Variants in BDNF observed in about 807,000 individuals in gnomAD.
The protein encoded by BDNF is brain derived neurotrophic factor.
BDNF carries 1 observed loss-of-function variant against 19.5 expected under a neutral mutation model. The ratio of observed to expected loss-of-function variants is 0.05; its 90% CI spans 0.02 to 0.24. The LOEUF (loss-of-function observed/expected upper bound fraction) is 0.24. BDNF is among the 10% of genes least tolerant of loss of function. BDNF has a pLI of 1.00. For missense variants in BDNF, 195 were observed against 317.6 expected, an observed-to-expected ratio of 0.61 and a Z score of 2.93; for synonymous variants, 100 against 121.6, an observed-to-expected ratio of 0.82 and a Z score of 1.17.
At chr11:27,661,413 A>G (rs1014254879) in intron 1 of BDNF, among the ~76,000 whole-genome samples, 2 of 152,216 alleles carry the variant, frequency 1.3e-5, no homozygotes, top group African/African-American at 4.8e-5. Flanking sequence ...ATAGCCTTCC[A>G]ATCCAGTCAG....
chr11:27,667,751 C>A (rs1219612642), intron 1 of BDNF, among the ~76,000 whole-genome samples: 1 of 152,154 alleles, frequency 6.6e-6, no homozygotes, highest in Non-Finnish European at 1.5e-5. Flanking sequence ...AATACAGGAG[C>A]ACCAGATTCA....
chr11:27,705,382 G>A (rs1860069672), upstream of BDNF, among the ~76,000 whole-genome samples: 1 of 152,108 alleles, frequency 6.6e-6, no homozygotes, highest in Admixed American at 6.5e-5. Context: ...GCTTATTTTT[G>A]AGACTCACCT....
chr11:27,717,860 A>AGTGTGTGTGTGTGTGTGT, intron 1 of BDNF, among the ~76,000 whole-genome samples: 1 of 147,568 alleles, frequency 6.8e-6, no homozygotes, highest in South Asian at 2.2e-4. Flanking sequence ...TTACAAGTTG[A>AGTGTGTGTGTGTGTGTGT]GTGTGTGTGT....
chr11:27,656,803 T>G lies in BDNF; in HGVS notation c.*1018A>C, dbSNP rs779736202. The G allele has an allele frequency of 2.6e-5, 26 of 985,310 alleles. No individual in the cohort carries two copies. The highest frequency in any genetic ancestry group is 2.9e-5 in the Non-Finnish European group (24 of 829,940). The allele number at this position is 985,310 out of a possible 1,614,324, so 61.0% of individuals were successfully genotyped here. On this transcript the variant is annotated 3_prime_UTR_variant, in exon 2 of 2. Transcript: ENST00000356660. The stretch of plus-strand genomic sequence containing the variant: ...CATTTTGGGGTTATTTTTTGTTGTT[T>G]TCTGTTCTAAAAAAAAATCACTGTT...
intron 1 of BDNF, among the ~76,000 whole-genome samples, chr11:27,685,182 A>G (rs1390444979): frequency 1.3e-5 from 2 of 152,064 alleles, no homozygotes; most frequent in Non-Finnish European, 2.9e-5. Flanking sequence ...GTTTATTTGC[A>G]TAGAGGTGTT....
At position 27,658,030 on chromosome 11, in the gene BDNF, G is replaced by T. The variant is rs1852797020; in HGVS notation, c.535C>A (p.Gln179Lys). 1 of 1,613,944 alleles carries T rather than the reference G, an allele frequency of 6.2e-7. No individual in the cohort carries two copies. The highest frequency in any genetic ancestry group is 8.5e-7 in the Non-Finnish European group (1 of 1,180,030). Residue 179 changes from glutamine (Q) to lysine (K), a missense_variant, in exon 2 of 2, where the codon CAA (glutamine) becomes AAA (lysine). Coordinates refer to ENST00000356660, the MANE Select transcript of BDNF (RefSeq NM_001709.5). This position sits in a 1 kb window ranked among gnomAD's most constrained non-coding sequence, Gnocchi z 5.7. ...KVPVSKGQLK[Q>K]YFYETKCNPM... The stretch of plus-strand genomic sequence containing the variant: ...TTGCACTTGGTCTCGTAGAAGTATT[G>T]CTTCAGTTGGCCTTTTGATACAGGG...
At chr11:27,679,378 T>C (rs1005212231) in intron 1 of BDNF, among the ~76,000 whole-genome samples, 4 of 152,222 alleles carry the variant, frequency 2.6e-5, no homozygotes, top group Non-Finnish European at 5.9e-5. Flanking sequence ...GAATTAAAGA[T>C]ATGTTACATT....
rs559067547 is a variant in BDNF, at chr11:27,656,354, C to G, written c.*1467G>C. The stretch of plus-strand genomic sequence containing the variant: ...CAGAGGTGGGATGGTGGGCATAAGT[C>G]GGCTTGAGTGTGGTCCTCCAGTCGA... On this transcript the variant is annotated 3_prime_UTR_variant, in exon 2 of 2. Coordinates refer to ENST00000356660, the MANE Select transcript of BDNF (RefSeq NM_001709.5). 2.2e-5 allele frequency: 4 copies of G among 185,930 alleles called. No homozygotes were observed. The highest frequency in any genetic ancestry group is 2.0e-4 in the Admixed American group (3 of 15,318). 11.5% of individuals were successfully genotyped at this position (185,930 alleles called of 1,614,324 possible).
chr11:27,697,265 C>T (rs1161042747), intron 1 of BDNF, among the ~76,000 whole-genome samples: 1 of 152,008 alleles, frequency 6.6e-6, no homozygotes, highest in Non-Finnish European at 1.5e-5. Flanking sequence ...ATCAGGTGGG[C>T]GTGCCCAGCT....
intron 1 of BDNF, among the ~76,000 whole-genome samples, chr11:27,713,955 T>G (rs1564996964): frequency 6.6e-6 from 1 of 152,348 alleles, no homozygotes; most frequent in East Asian, 1.9e-4. Flanking sequence ...ATTTTTAAAT[T>G]AATACTTTGT....
intron 1 of BDNF, among the ~76,000 whole-genome samples, chr11:27,715,258 C>G (rs2134110560): frequency 6.6e-6 from 1 of 152,318 alleles, no homozygotes; most frequent in South Asian, 2.1e-4. Flanking sequence ...TACCCAGTGT[C>G]CAAGACTGGG....
intron 1 of BDNF, chr11:27,721,375 A>AT (rs767022846): frequency 6.2e-7 from 1 of 1,612,778 alleles, no homozygotes; most frequent in Non-Finnish European, 8.5e-7. Flanking sequence ...ACATGTCAAG[A>AT]TTTTTCAATT....
In BDNF at chr11:27,707,236, A is replaced by G. The variant is rs1860145484; in HGVS notation, c.3+14176T>C. Among the ~76,000 whole-genome samples the G allele has an allele frequency of 2.0e-5, 3 of 152,216 alleles. No homozygotes were observed. In the South Asian group the frequency reaches 6.2e-4, roughly 31 times the overall value. ...AATTCAGTAAAAGAGAATTATGCTA[A>G]CCTACATGATACCTAGAATCAAGTC... is the stretch of plus-strand genomic sequence containing the variant. On this transcript the variant is annotated intron_variant, in intron 1 of 1. Coordinates refer to the BDNF transcript ENST00000314915.
intron 1 of BDNF, among the ~76,000 whole-genome samples, chr11:27,662,161 C>T (rs547134592): frequency 1.3e-5 from 2 of 152,132 alleles, no homozygotes; most frequent in East Asian, 1.9e-4. Context: ...CCACCATGCC[C>T]GGCTAATTTT....
In BDNF at chr11:27,718,360, C is replaced by CCA. The variant is rs557677510; in HGVS notation, c.3+3051_3+3052insTG. 1.3e-3 allele frequency among the ~76,000 whole-genome samples: 189 copies of CCA among 144,214 alleles called. 4 individuals are homozygous for CCA. Among genetic ancestry groups the CCA allele is most frequent in the Admixed American group, 3.3e-3 (48 of 14,494 alleles). 94.6% of individuals were successfully genotyped at this position (144,214 alleles called of 152,430 possible). A position where few individuals can be genotyped will look rare whatever the true frequency, so the allele number is the denominator to read the frequency against. On this transcript the variant is annotated intron_variant, in intron 1 of 1. Coordinates refer to the BDNF transcript ENST00000314915. ...ATTCCCCGTTCCGCACACCACCCCC[C>CCA]CCCGCCCCTCCCGGGATTTTGCAAT...
intron 1 of BDNF, among the ~76,000 whole-genome samples, chr11:27,688,059 A>G (rs1404095961): frequency 2.0e-5 from 3 of 152,322 alleles, no homozygotes; most frequent in African/African-American, 7.2e-5. Context: ...AGTTTTATCT[A>G]TAAGCCCCTG....
At chr11:27,697,162 C>G (rs36154247) in intron 1 of BDNF, among the ~76,000 whole-genome samples, 55,554 of 123,380 alleles carry the variant, frequency 0.45, 11,440 homozygotes, top group Middle Eastern at 0.5. Context: ...CACACACACA[C>G]ACAGAGAGAG....
intron 1 of BDNF, among the ~76,000 whole-genome samples, chr11:27,661,692 T>A (rs751559906): frequency 6.6e-5 from 10 of 152,284 alleles, no homozygotes; most frequent in Non-Finnish European, 1.0e-4. Flanking sequence ...GATACTCAAC[T>A]CTCTCCAACA....
At chr11:27,686,373 A>C (rs1325268920) in intron 1 of BDNF, among the ~76,000 whole-genome samples, 3 of 152,202 alleles carry the variant, frequency 2.0e-5, no homozygotes, top group Non-Finnish European at 2.9e-5. Context: ...GTGGTCTTTT[A>C]ATTGGGGCAT....
Sources: gnomAD v4.1 joint callset for allele counts (sites outside exome capture counted in the v4.1 genomes callset) on GRCh38, gnomAD v4.1.1 for gene constraint, Gnocchi (gnomAD v3.1) non-coding constraint, MANE v1.5 for transcripts, NCBI Gene and HGNC (gene_info 2026-07-23, HGNC 2026-07-21) for gene names.